KCNV1: variants seen among roughly 807,000 people sequenced by gnomAD.
KCNV1 encodes potassium voltage-gated channel modifier subfamily V member 1.
A neutral mutation model predicts 36.4 loss-of-function variants in KCNV1; 2 were observed. That is an observed-to-expected ratio of 0.05 (90% confidence interval 0.02 to 0.17). The LOEUF (loss-of-function observed/expected upper bound fraction) is 0.17. Ranked by LOEUF, KCNV1 falls within the 10% of genes least tolerant of loss-of-function variation. The pLI is 1.00. For synonymous variants in KCNV1, 280 were observed against 261.1 expected (o/e 1.07, Z -0.70); for missense variants, 321 against 643.6 (o/e 0.50, Z 5.42).
chr8:109,968,197 C>A lies in KCNV1; in HGVS notation c.1394G>T (p.Ser465Ile). 6.2e-7 allele frequency: 1 copy of A among 1,614,174 alleles called. No homozygotes were observed. Among genetic ancestry groups the A allele is most frequent in the Non-Finnish European group, 8.5e-7 (1 of 1,180,028 alleles). ...TKNIATDSYI[S>I]VNLRDVYARS... ...GGCATAGACATCTCTCAAGTTAACA[C>A]TGATATATGAGTCAGTGGCTATATT... Residue 465 changes from serine (S) to isoleucine (I), a missense_variant, in exon 4 of 4, where the codon AGT becomes ATT. Ser to Ile is a moderately radical substitution (Grantham distance 142, BLOSUM62 -2). This residue lies in a region of KCNV1 where 45 missense variants were observed against 76.8 expected (regional missense o/e 0.59). Transcript: ENST00000524391. This position sits in a 1 kb window ranked among gnomAD's most constrained non-coding sequence, Gnocchi z 5.3.
Position 109,968,473 on chromosome 8 carries a change from T to A in KCNV1, c.1118A>T (p.Asp373Val). 1 of 1,613,976 alleles carries A rather than the reference T, an allele frequency of 6.2e-7. No individual in the cohort carries two copies. ...VEYFAEQSIP[D>V]TTFTSVPCAW... Reference sequence around the variant, plus strand: ...ACAAGGGACACTTGTGAAGGTTGTGTCAGGAATGCTTTGCTCAGCAAAGTA... The same window carrying A: ...ACAAGGGACACTTGTGAAGGTTGTGACAGGAATGCTTTGCTCAGCAAAGTA... The change falls in exon 4 of 4, where the codon GAC (aspartate) becomes GTC (valine). Residue 373 changes from aspartate to valine, a missense_variant. Transcript: ENST00000524391. This position sits in a 1 kb window ranked among gnomAD's most constrained non-coding sequence, Gnocchi z 5.3.
Position 109,972,890 on chromosome 8 carries a change from A to G in KCNV1, c.462-103T>C. 1 of 810,856 alleles carries G rather than the reference A, an allele frequency of 1.2e-6. No individual in the cohort carries two copies. Among genetic ancestry groups the G allele is most frequent in the Non-Finnish European group, 1.9e-6 (1 of 516,560 alleles). 50.2% of individuals were successfully genotyped at this position (810,856 alleles called of 1,614,324 possible). A position where few individuals can be genotyped will look rare whatever the true frequency, so the allele number is the denominator to read the frequency against. On this transcript the variant is annotated intron_variant, in intron 2 of 3. Transcript: ENST00000524391. The surrounding 1 kb of genome is among the most constrained non-coding windows in gnomAD (Gnocchi z 5.2). Reference sequence around the variant, plus strand: ...AGGTCAGACTTTTTCATTCAACAAAATGCAGAAAAATGTCTATTCATATTT... The same window carrying G: ...AGGTCAGACTTTTTCATTCAACAAAGTGCAGAAAAATGTCTATTCATATTT...
rs564287536 is a variant in KCNV1, at chr8:109,971,242, C to T, written c.991+1016G>A. Among the ~76,000 whole-genome samples, 201 of 152,322 alleles carry T rather than the reference C, an allele frequency of 1.3e-3. 1 individual carries two copies. The highest frequency in any genetic ancestry group is 4.6e-3 in the African/African-American group (191 of 41,582). ...CTAGGTTTGGTCCAAGAACCACCTA[C>T]ATCAAAGTCATTGGTGAACTTATTA... On this transcript the variant is annotated intron_variant, in intron 3 of 3. Coordinates refer to ENST00000524391, the MANE Select transcript of KCNV1 (RefSeq NM_014379.4).
intron 3 of KCNV1, among the ~76,000 whole-genome samples, chr8:109,970,797 G>C (rs946368102): frequency 3.9e-5 from 6 of 151,930 alleles, no homozygotes; most frequent in African/African-American, 1.5e-4. Flanking sequence ...CCTTTCTTTT[G>C]GAAAAAAATG....
At position 109,972,769 on chromosome 8, in the gene KCNV1, C is replaced by T. The variant is rs897601100; in HGVS notation, c.480G>A (p.Glu160=). ...TCTTGAAGTCTAAAGTTTCACTCAG[C>T]TCTTTCCTTCTGAAGTATCTTTTAG... ...CCRDRYFRRK[E]LSETLDFKKD... Residue 160 remains glutamate (E), a synonymous_variant, in exon 3 of 4, where the codon GAG becomes GAA. Coordinates refer to ENST00000524391, the MANE Select transcript of KCNV1 (RefSeq NM_014379.4). This position sits in a 1 kb window ranked among gnomAD's most constrained non-coding sequence, Gnocchi z 5.2. 1 of 1,605,240 alleles carries T rather than the reference C, an allele frequency of 6.2e-7. No individual in the cohort carries two copies. The highest frequency in any genetic ancestry group is 1.1e-5 in the South Asian group (1 of 89,400).
Position 109,967,931 on chromosome 8 carries a change from G to C in KCNV1, c.*157C>G, listed in dbSNP as rs899963949. 1.4e-6 allele frequency: 1 copy of C among 703,942 alleles called. No individual in the cohort carries two copies. The highest frequency in any genetic ancestry group is 2.3e-6 in the Non-Finnish European group (1 of 433,964). The allele number at this position is 703,942 out of a possible 1,614,324, so 43.6% of individuals were successfully genotyped here. Reference sequence around the variant, plus strand: ...ACACTGTGCAGTTGTTATAGGTGATGTGAAATATTCTAGTAGATGAAGCAA... The same window carrying C: ...ACACTGTGCAGTTGTTATAGGTGATCTGAAATATTCTAGTAGATGAAGCAA... On this transcript the variant is annotated 3_prime_UTR_variant, in exon 4 of 4. Transcript: ENST00000524391.
chr8:109,974,573 G>GA lies in KCNV1; in HGVS notation c.-186dup. The GA allele has an allele frequency of 1.7e-6, 1 of 593,670 alleles. No homozygotes were observed. 36.8% of individuals were successfully genotyped at this position (593,670 alleles called of 1,614,324 possible). On this transcript the variant is annotated 5_prime_UTR_variant, in exon 2 of 4. Coordinates refer to ENST00000524391, the MANE Select transcript of KCNV1 (RefSeq NM_014379.4). The surrounding 1 kb of genome is among the most constrained non-coding windows in gnomAD (Gnocchi z 6.2). ...GCGCCTTCCTCCTCCTGCCGCTAGG[G>GA]AGCCGGGAGTGCGCGGAAGCAGCGC...
At position 109,968,538 on chromosome 8, in the gene KCNV1, T is replaced by A; in HGVS notation, c.1053A>T (p.Leu351=). The A allele has an allele frequency of 6.2e-7, 1 of 1,607,254 alleles. No homozygotes were observed. Among genetic ancestry groups the A allele is most frequent in the Non-Finnish European group, 8.5e-7 (1 of 1,174,332 alleles). ...ATATAGAGATTCCCACGGATAGAAA[T>A]AGGAGCAGTAGGCCGACTTCTTCGT... ...QCYEEVGLLL[L]FLSVGISIFS... Residue 351 remains leucine, a synonymous_variant, in exon 4 of 4, where the codon CTA becomes CTT. Transcript: ENST00000524391. The surrounding 1 kb of genome is among the most constrained non-coding windows in gnomAD (Gnocchi z 5.3).
chr8:109,966,785 A>G lies in KCNV1; in HGVS notation c.*1303T>C, dbSNP rs1819948905. 1 of 152,110 alleles carries G rather than the reference A, an allele frequency of 6.6e-6. No individual in the cohort carries two copies. Among genetic ancestry groups the G allele is most frequent in the African/African-American group, 2.4e-5 (1 of 41,440 alleles). The allele number at this position is 152,110 out of a possible 1,614,324, so 9.4% of individuals were successfully genotyped here. A position where few individuals can be genotyped will look rare whatever the true frequency, so the allele number is the denominator to read the frequency against. On this transcript the variant is annotated 3_prime_UTR_variant, in exon 4 of 4. Transcript: ENST00000524391. ...AGCCTTCTAGGCTTTTTTCCCTAACATCTCACCCCCATGAAATGTTAATAC... is the reference window on the plus strand; with the variant it reads ...AGCCTTCTAGGCTTTTTTCCCTAACGTCTCACCCCCATGAAATGTTAATAC...
chr8:109,968,712 A>C lies in KCNV1; in HGVS notation c.992-113T>G. 7 of 1,024,382 alleles carry C rather than the reference A, an allele frequency of 6.8e-6. No homozygotes were observed. The highest frequency in any genetic ancestry group is 9.9e-6 in the Non-Finnish European group (7 of 709,576). 63.5% of individuals were successfully genotyped at this position (1,024,382 alleles called of 1,614,324 possible). A position where few individuals can be genotyped will look rare whatever the true frequency, so the allele number is the denominator to read the frequency against. ...CCCACAAACTGCACTGCACACTTAA[A>C]TGTCCCCAGCACTGGGCAATGTTCT... On this transcript the variant is annotated intron_variant, in intron 3 of 3. Coordinates refer to ENST00000524391, the MANE Select transcript of KCNV1 (RefSeq NM_014379.4). This position sits in a 1 kb window ranked among gnomAD's most constrained non-coding sequence, Gnocchi z 5.3.
At position 109,974,229 on chromosome 8, in the gene KCNV1, GCGAGAGC is replaced by G; in HGVS notation, c.153_159del (p.Leu52SerfsTer108). The G allele has an allele frequency of 6.4e-7, 1 of 1,571,700 alleles. No homozygotes were observed. The highest frequency in any genetic ancestry group is 2.4e-5 in the East Asian group (1 of 42,444). On this transcript the variant is annotated frameshift_variant, in exon 2 of 4. Transcript: ENST00000524391. LOFTEE classifies it high-confidence loss of function. This position sits in a 1 kb window ranked among gnomAD's most constrained non-coding sequence, Gnocchi z 6.2. ...TGCGGGAAGCAGGACAGCGCCTGCT[GCGAGAGC>G]ACGAAGCGGCTGCCGCCCACGTTGA...
intron 2 of KCNV1, 24 bp downstream of exon 2, chr8:109,973,904 A>C: frequency 3.5e-5 from 54 of 1,543,330 alleles, no homozygotes; most frequent in Non-Finnish European, 4.4e-5. Flanking sequence ...CTCCCCGCCC[A>C]GCCGCCGCGT....
chr8:109,973,779 A>ACCCCC, intron 2 of KCNV1, 149 bp downstream of exon 2: 2 of 99,930 alleles, frequency 2.0e-5, no homozygotes, highest in Non-Finnish European at 2.0e-5. Context: ...CCCCACCCCC[A>ACCCCC]CCCCACCTGT....
chr8:109,965,676 A>C lies in KCNV1; in HGVS notation c.*2412T>G, dbSNP rs1271658366. ...CTAAAGATAATATATTTTTAATCTA[A>C]TAATGACTATAAGGTGTCACCACAG... On this transcript the variant is annotated 3_prime_UTR_variant, in exon 4 of 4. Coordinates refer to ENST00000524391, the MANE Select transcript of KCNV1 (RefSeq NM_014379.4). 1.3e-5 allele frequency: 2 copies of C among 152,220 alleles called. No individual in the cohort carries two copies. The highest frequency in any genetic ancestry group is 4.8e-5 in the African/African-American group (2 of 41,466). 9.4% of individuals were successfully genotyped at this position (152,220 alleles called of 1,614,324 possible). A position where few individuals can be genotyped will look rare whatever the true frequency, so the allele number is the denominator to read the frequency against.
intron 3 of KCNV1, among the ~76,000 whole-genome samples, chr8:109,970,400 A>G (rs1043205987): frequency 1.3e-5 from 2 of 152,180 alleles, no homozygotes; most frequent in Non-Finnish European, 2.9e-5. Context: ...AATTTCTAGC[A>G]TGTTATCTCT....
At position 109,967,108 on chromosome 8, in the gene KCNV1, C is replaced by T. The variant is rs1291852176; in HGVS notation, c.*980G>A. 2 of 152,094 alleles carry T rather than the reference C, an allele frequency of 1.3e-5. No individual in the cohort carries two copies. Among genetic ancestry groups the T allele is most frequent in the South Asian group, 2.1e-4 (1 of 4,828 alleles). The allele number at this position is 152,094 out of a possible 1,614,324, so 9.4% of individuals were successfully genotyped here. A position where few individuals can be genotyped will look rare whatever the true frequency, so the allele number is the denominator to read the frequency against. On this transcript the variant is annotated 3_prime_UTR_variant, in exon 4 of 4. Transcript: ENST00000524391. ...GCAAAGTTTGAACATTTGCTATTTA[C>T]CCCAACAATCAGAAAGCTGTCCATA... is the stretch of plus-strand genomic sequence containing the variant.
chr8:109,970,752 G>C (rs535458572), intron 3 of KCNV1, among the ~76,000 whole-genome samples: 1 of 152,272 alleles, frequency 6.6e-6, no homozygotes, highest in South Asian at 2.1e-4. Flanking sequence ...TCTTTGAAGA[G>C]GAGACATTGT....
Position 109,965,137 on chromosome 8 carries a change from G to C in KCNV1, c.*2951C>G, listed in dbSNP as rs1440738924. 6.6e-6 allele frequency: 1 copy of C among 152,216 alleles called. No individual in the cohort carries two copies. The highest frequency in any genetic ancestry group is 2.4e-5 in the African/African-American group (1 of 41,438). The allele number at this position is 152,216 out of a possible 1,614,324, so 9.4% of individuals were successfully genotyped here. A position where few individuals can be genotyped will look rare whatever the true frequency, so the allele number is the denominator to read the frequency against. On this transcript the variant is annotated 3_prime_UTR_variant, in exon 4 of 4. Transcript: ENST00000524391. ...GCAGGAGAATGGTGTGAACCCAAGA[G>C]GTGGAGCTTGCAGTGAGCCGAGATC...
In KCNV1 at chr8:109,967,768, G is replaced by A. The variant is rs981803195; in HGVS notation, c.*320C>T. 4 of 204,400 alleles carry A rather than the reference G, an allele frequency of 2.0e-5. No homozygotes were observed. The highest frequency in any genetic ancestry group is 4.0e-5 in the Non-Finnish European group (4 of 100,818). 12.7% of individuals were successfully genotyped at this position (204,400 alleles called of 1,614,324 possible). A position where few individuals can be genotyped will look rare whatever the true frequency, so the allele number is the denominator to read the frequency against. On this transcript the variant is annotated 3_prime_UTR_variant, in exon 4 of 4. Transcript: ENST00000524391. ...GTGGTGCAAAAAACTTCTAATGTTA[G>A]TGATACATAAAATCTTTAACTTTTT...
Sources: gnomAD v4.1 joint callset for allele counts (sites outside exome capture counted in the v4.1 genomes callset) on GRCh38, gnomAD v4.1.1 for gene constraint, gnomAD v4.1.1 regional missense constraint, Gnocchi (gnomAD v3.1) non-coding constraint, MANE v1.5 for transcripts, NCBI Gene and HGNC (gene_info 2026-07-23, HGNC 2026-07-21) for gene names.